CD55: variants seen among roughly 807,000 people sequenced by gnomAD.
CD55 encodes the protein CD55 molecule (Cromer blood group), also known as complement decay-accelerating factor.
CD55 carries 41 observed loss-of-function variants against 45.8 expected under a neutral mutation model. The observed-to-expected ratio is 0.90, with a 90% CI of 0.70 to 1.16. CD55 has a LOEUF of 1.16. CD55 is among the 50% of genes most tolerant of loss of function. CD55 has a pLI of 0.00. For missense variants in CD55, 416 were observed against 469.8 expected, an observed-to-expected ratio of 0.89 and a Z score of 1.06; for synonymous variants, 181 against 181.1, an observed-to-expected ratio of 1.00 and a Z score of 0.01.
chr1:207,333,138 A>C (rs1655022768), intron 6 of CD55, among the ~76,000 whole-genome samples: 1 of 152,256 alleles, frequency 6.6e-6, no homozygotes, highest in Non-Finnish European at 1.5e-5. Context: ...GAAATCTCTC[A>C]GAACCTGATG....
At chr1:207,325,497 G>A (rs1402365449) in intron 3 of CD55, 125 bp from the exon 4 acceptor site, 4 of 552,974 alleles carry the variant, frequency 7.2e-6, no homozygotes, top group African/African-American at 1.9e-5. Context: ...TTTGATATAT[G>A]TGCACATTGT....
At chr1:207,339,463 G>A (rs1184895924) in intron 9 of CD55, 46 bp downstream of exon 9, 3 of 1,430,016 alleles carry the variant, frequency 2.1e-6, no homozygotes, top group Non-Finnish European at 9.7e-7. Flanking sequence ...TTTCACTGTG[G>A]GATATACAAT....
At chr1:207,324,424 A>G in intron 2 of CD55, 135 bp from the exon 3 acceptor site, 1 of 495,396 alleles carries the variant, frequency 2.0e-6, no homozygotes, top group Non-Finnish European at 3.5e-6. Context: ...CCATGGTGAT[A>G]TTAATATAGT....
intron 9 of CD55, chr1:207,340,636 C>A: frequency 3.0e-6 from 2 of 661,340 alleles, no homozygotes. Context: ...CAAAACGTTG[C>A]GATTATAAGT....
chr1:207,344,685 T>A (rs1655560701), intron 9 of CD55, among the ~76,000 whole-genome samples: 1 of 152,088 alleles, frequency 6.6e-6, no homozygotes, highest in South Asian at 2.1e-4. Context: ...TTTGACAGTT[T>A]GAGTATAGTT....
intron 9 of CD55, 149 bp downstream of exon 9, chr1:207,339,566 C>A: frequency 1.6e-6 from 1 of 631,514 alleles, no homozygotes; most frequent in Non-Finnish European, 2.7e-6. Flanking sequence ...AAACTTTAAA[C>A]GTCACTCAAA....
chr1:207,353,951 A>G, intron 9 of CD55: 2 of 1,505,422 alleles, frequency 1.3e-6, no homozygotes, highest in East Asian at 2.5e-5. Context: ...CAAGAACAAA[A>G]CCTTTCCATA....
At chr1:207,353,560 CAT>C (rs1296029474) in intron 9 of CD55, among the ~76,000 whole-genome samples, 11 of 152,120 alleles carry the variant, frequency 7.2e-5, no homozygotes, top group Admixed American at 7.2e-4. Context: ...TGTCTTATTA[CAT>C]GCCCCTATAC....
chr1:207,346,108 G>A (rs557218119), intron 9 of CD55, among the ~76,000 whole-genome samples: 1 of 152,256 alleles, frequency 6.6e-6, no homozygotes, highest in African/African-American at 2.4e-5. Flanking sequence ...TTGGCAGCAA[G>A]TGGGGGCATG....
intron 4 of CD55, among the ~76,000 whole-genome samples, chr1:207,325,956 G>A (rs1261781201): frequency 6.6e-6 from 1 of 152,276 alleles, no homozygotes; most frequent in African/African-American, 2.4e-5. Flanking sequence ...CAGTAAATAT[G>A]TGATTCAATA....
chr1:207,357,909 C>T (rs1048148311), intron 9 of CD55, among the ~76,000 whole-genome samples: 3 of 152,004 alleles, frequency 2.0e-5, no homozygotes, highest in Non-Finnish European at 2.9e-5. Flanking sequence ...TTAACACCAA[C>T]GAATAATCAA....
chr1:207,328,241 T>G (rs930130931), intron 5 of CD55, among the ~76,000 whole-genome samples: 5 of 152,230 alleles, frequency 3.3e-5, no homozygotes, highest in African/African-American at 1.2e-4. Context: ...TCTCTGTGAC[T>G]CAGCAACCAC....
At chr1:207,353,040 GTTTTTTTTTTTTTTT>G (rs386369456) in intron 9 of CD55, among the ~76,000 whole-genome samples, 1 of 47,406 alleles carries the variant, frequency 2.1e-5, no homozygotes, top group African/African-American at 8.4e-5. Context: ...CTATTACCAG[GTTTTTTTTTTTTTTT>G]TTTTTTTTTT....
chr1:207,338,901 T>C (rs563741360), intron 8 of CD55, among the ~76,000 whole-genome samples: 19 of 152,186 alleles, frequency 1.2e-4, no homozygotes, highest in African/African-American at 4.1e-4. Flanking sequence ...TTTATTGTTA[T>C]AAATATGCTT....
At chr1:207,337,657 G>T in intron 8 of CD55, 1 of 323,672 alleles carries the variant, frequency 3.1e-6, no homozygotes, top group Middle Eastern at 8.4e-4. Context: ...AATTAAGATT[G>T]GTAAAAAAAA....
At position 207,331,098 on chromosome 1, in the gene CD55, G is replaced by A; in HGVS notation, c.665-10G>A. 1.3e-6 allele frequency: 2 copies of A among 1,585,692 alleles called. No individual in the cohort carries two copies. The highest frequency in any genetic ancestry group is 1.7e-6 in the Non-Finnish European group (2 of 1,163,848). ...TATTTATTTAAAAGATGTTGGAATT[G>A]TTTTTTAAGAAATTTATTGTCCAGC... On this transcript the variant is annotated splice_polypyrimidine_tract_variant and intron_variant, in intron 5 of 9. Transcript: ENST00000367064.
chr1:207,359,791 A>G lies in CD55; in HGVS notation c.*181A>G. 3.1e-6 allele frequency: 2 copies of G among 646,728 alleles called. No individual in the cohort carries two copies. The highest frequency in any genetic ancestry group is 3.4e-5 in the East Asian group (1 of 29,622). 40.1% of individuals were successfully genotyped at this position (646,728 alleles called of 1,614,324 possible). ...GGAGAAAAAAGGCAGTCCTGGAATC[A>G]CATTCTTAGCACACCTACACCTCTT... On this transcript the variant is annotated 3_prime_UTR_variant, in exon 10 of 10. Transcript: ENST00000367064.
intron 6 of CD55, among the ~76,000 whole-genome samples, chr1:207,336,189 G>C (rs1276147282): frequency 6.6e-6 from 1 of 152,126 alleles, no homozygotes; most frequent in Non-Finnish European, 1.5e-5. Context: ...ACCAGCACAA[G>C]AGAATTAAAA....
intron 5 of CD55, among the ~76,000 whole-genome samples, chr1:207,327,601 C>G (rs377458094): frequency 2.0e-5 from 3 of 152,238 alleles, no homozygotes; most frequent in South Asian, 4.1e-4. Flanking sequence ...TCTCTCTCTC[C>G]ACACACAATG....
Sources: gnomAD v4.1 joint callset for allele counts (sites outside exome capture counted in the v4.1 genomes callset) on GRCh38, gnomAD v4.1.1 for gene constraint, MANE v1.5 for transcripts, NCBI Gene and HGNC (gene_info 2026-07-23, HGNC 2026-07-21) for gene names.